The following MSANTD2 variants were observed in gnomAD, a reference collection of about 807,000 sequenced individuals.
MSANTD2 encodes the protein Myb/SANT DNA binding domain containing 2, also known as myb/SANT-like DNA-binding domain-containing protein 2.
In MSANTD2, 19 loss-of-function variants were observed where a neutral mutation model predicts 52.6. That is an observed-to-expected ratio of 0.36 (90% CI 0.25 to 0.53). The LOEUF (loss-of-function observed/expected upper bound fraction) is 0.53, where lower values mean the gene tolerates loss of function less well. Among genes scored for constraint, MSANTD2 ranks in the 20% least tolerant of loss-of-function variants. The pLI is 0.91. For synonymous variants in MSANTD2, 291 were observed against 289.7 expected (o/e 1.00, Z -0.04); for missense variants, 558 against 716.3 (o/e 0.78, Z 2.52).
chr11:124,782,831 C>T (rs1482934394), intron 1 of MSANTD2, among the ~76,000 whole-genome samples: 1 of 152,112 alleles, frequency 6.6e-6, no homozygotes, highest in East Asian at 1.9e-4. Context: ...TAGCAAAGAA[C>T]ATCAGAAAAT....
chr11:124,772,210 C>T (rs575588593), intron 3 of MSANTD2, among the ~76,000 whole-genome samples: 12 of 152,228 alleles, frequency 7.9e-5, no homozygotes, highest in Non-Finnish European at 1.8e-4. Context: ...CTTTTTGATT[C>T]CCAAAATACT....
At chr11:124,785,486 A>T (rs1333729758) in intron 1 of MSANTD2, among the ~76,000 whole-genome samples, 1 of 152,216 alleles carries the variant, frequency 6.6e-6, no homozygotes, top group Non-Finnish European at 1.5e-5. Flanking sequence ...TAATCCTACA[A>T]TGAGGTATGG....
intron 1 of MSANTD2, chr11:124,790,310 A>C (rs2135265451): frequency 6.6e-6 from 1 of 152,344 alleles, no homozygotes; most frequent in South Asian, 2.1e-4. Context: ...GACTGTCTTC[A>C]TTTGGTATTT....
At chr11:124,783,589 C>T (rs1945059005) in intron 1 of MSANTD2, 1 of 408,498 alleles carries the variant, frequency 2.4e-6, no homozygotes, top group African/African-American at 2.2e-5. Flanking sequence ...CACTGCACTC[C>T]AGCCTGAGTG....
At chr11:124,781,890 T>G (rs1272124016) in intron 1 of MSANTD2, among the ~76,000 whole-genome samples, 1 of 152,128 alleles carries the variant, frequency 6.6e-6, no homozygotes, top group Admixed American at 6.5e-5. Context: ...TGACCTCAGG[T>G]GATCTGCCTG....
intron 2 of MSANTD2, 88 bp from the exon 3 acceptor site, chr11:124,773,142 T>G: frequency 1.4e-6 from 1 of 728,492 alleles, no homozygotes; most frequent in African/African-American, 1.8e-5. Context: ...TACTGATCAT[T>G]CCATACTTTC....
chr11:124,780,612 A>AC (rs1300207715), intron 1 of MSANTD2, among the ~76,000 whole-genome samples: 9 of 152,348 alleles, frequency 5.9e-5, no homozygotes, highest in Middle Eastern at 3.4e-3. Context: ...ACCTGGACTC[A>AC]CTAAAGAACC....
Position 124,775,164 on chromosome 11 carries a change from A to G in MSANTD2, c.511-190T>C. On this transcript the variant is annotated intron_variant, in intron 1 of 3. Transcript: ENST00000374979. ...AATTTAGCATTTACTCAAACATGTT[A>G]TAATTAAAACAATTATTTTGCAATT... 7.2e-6 allele frequency: 4 copies of G among 553,442 alleles called. No homozygotes were observed. The South Asian group carries it at 1.1e-4, about 15-fold the overall frequency. 34.3% of individuals were successfully genotyped at this position (553,442 alleles called of 1,614,324 possible). A position where few individuals can be genotyped will look rare whatever the true frequency, so the allele number is the denominator to read the frequency against.
chr11:124,790,228 A>T (rs1945288855), intron 1 of MSANTD2: 1 of 152,232 alleles, frequency 6.6e-6, no homozygotes, highest in African/African-American at 2.4e-5. Context: ...AAAGCAGGAT[A>T]ATCACTTCTG....
Position 124,767,427 on chromosome 11 carries a change from G to A in MSANTD2, c.1429C>T (p.Leu477Phe), listed in dbSNP as rs1281998951. The change falls in exon 4 of 4, where the codon CTC becomes TTC. Residue 477 changes from leucine (L) to phenylalanine (F), a missense_variant. Physicochemically the swap from Leu to Phe is conservative, Grantham distance 22. This residue lies in a region of MSANTD2 where 408 missense variants were observed against 573.6 expected (regional missense o/e 0.71). Transcript: ENST00000374979. The surrounding 1 kb of genome is among the most constrained non-coding windows in gnomAD (Gnocchi z 6.5). Reference sequence around the variant, plus strand: ...AGAGTCCTGACCTCAGCAATCCCGAGGTAGCAATAGATAATTCGGGTGGGT... The same window carrying A: ...AGAGTCCTGACCTCAGCAATCCCGAAGTAGCAATAGATAATTCGGGTGGGT... ...IEPTRIIYCYLGIAEVRTLQQ... is the reference protein window; with the variant it reads ...IEPTRIIYCYFGIAEVRTLQQ... 5 of 1,614,122 alleles carry A rather than the reference G, an allele frequency of 3.1e-6. No individual in the cohort carries two copies. The East Asian group carries it at 1.1e-4, about 36-fold the overall frequency.
At chr11:124,778,769 G>C (rs931609977) in intron 1 of MSANTD2, among the ~76,000 whole-genome samples, 2 of 152,158 alleles carry the variant, frequency 1.3e-5, no homozygotes, top group East Asian at 3.8e-4. Context: ...ACAATTTATA[G>C]GACAGAGTGA....
chr11:124,799,054 G>A (rs1241818475), intron 1 of MSANTD2, among the ~76,000 whole-genome samples: 2 of 152,248 alleles, frequency 1.3e-5, no homozygotes, highest in African/African-American at 4.8e-5. Context: ...TAAACATGCA[G>A]GTACACAAGG....
At chr11:124,797,898 C>A (rs1945545365) in intron 1 of MSANTD2, among the ~76,000 whole-genome samples, 1 of 152,080 alleles carries the variant, frequency 6.6e-6, no homozygotes. Context: ...ATGAAACAAC[C>A]CAATTAGATA....
intron 1 of MSANTD2, 79 bp from the exon 2 acceptor site, chr11:124,775,053 T>C: frequency 7.6e-7 from 1 of 1,318,914 alleles, no homozygotes; most frequent in Non-Finnish European, 1.0e-6. Flanking sequence ...TTAATTACTA[T>C]TAGACAGACA....
In MSANTD2 at chr11:124,766,958, G is replaced by A. The variant is rs1944322074; in HGVS notation, c.*218C>T. 1.3e-5 allele frequency: 6 copies of A among 448,936 alleles called. No homozygotes were observed. The highest frequency in any genetic ancestry group is 1.6e-5 in the Non-Finnish European group (4 of 256,132). The allele number at this position is 448,936 out of a possible 1,614,324, so 27.8% of individuals were successfully genotyped here. On this transcript the variant is annotated 3_prime_UTR_variant, in exon 4 of 4. Transcript: ENST00000374979. ...AATAGCTGACCCACCATGCAAGTTC[G>A]CTATATATCTTGCTTGCTCAAAATG...
chr11:124,789,031 G>A (rs1345437790), intron 1 of MSANTD2, among the ~76,000 whole-genome samples: 2 of 152,100 alleles, frequency 1.3e-5, no homozygotes, highest in East Asian at 3.9e-4. Context: ...TATTCCCAGA[G>A]CCCAAATCAA....
In MSANTD2 at chr11:124,795,462, T is replaced by C. The variant is rs143232085; in HGVS notation, c.510+4409A>G. ...TGCTTTCATGAATTCCAAGTCTAGA[T>C]AGGTCTTTCAACTACTACAGTATGG... On this transcript the variant is annotated intron_variant, in intron 1 of 3. Transcript: ENST00000374979. Among the ~76,000 whole-genome samples, 162 of 152,328 alleles carry C rather than the reference T, an allele frequency of 1.1e-3. 1 individual carries two copies. Among genetic ancestry groups the C allele is most frequent in the Middle Eastern group, 0.01 (3 of 294 alleles).
At chr11:124,771,993 G>C (rs1023369947) in intron 3 of MSANTD2, among the ~76,000 whole-genome samples, 2 of 152,122 alleles carry the variant, frequency 1.3e-5, no homozygotes, top group African/African-American at 2.4e-5. Flanking sequence ...TTTAATCAGG[G>C]ACTCACTTAA....
chr11:124,778,025 C>T (rs1222454910), intron 1 of MSANTD2, among the ~76,000 whole-genome samples: 1 of 152,140 alleles, frequency 6.6e-6, no homozygotes, highest in Admixed American at 6.5e-5. Context: ...TTCCAATTAT[C>T]ACCCACAATA....
Sources: allele counts gnomAD v4.1 joint callset (sites outside exome capture counted in the v4.1 genomes callset), GRCh38; gene constraint gnomAD v4.1.1; regional missense constraint gnomAD v4.1.1; non-coding constraint Gnocchi (gnomAD v3.1); transcripts MANE v1.5; gene names NCBI Gene and HGNC (gene_info 2026-07-23, HGNC 2026-07-21).